The following BCL11A variants were observed in gnomAD, a reference collection of about 807,000 sequenced individuals.
The protein encoded by BCL11A is BCL11 transcription factor A, also known as B cell CLL/lymphoma 11A.
In BCL11A, 2 loss-of-function variants were observed where a neutral mutation model predicts 55.9. That is an observed-to-expected ratio of 0.04 (90% CI 0.01 to 0.11). The LOEUF (loss-of-function observed/expected upper bound fraction) is 0.11, where lower values mean the gene tolerates loss of function less well. BCL11A is among the 10% of genes least tolerant of loss of function. BCL11A has a pLI of 1.00. For synonymous variants in BCL11A, 465 were observed against 473.4 expected (o/e 0.98, Z 0.23); for missense variants, 817 against 1,137.1 (o/e 0.72, Z 4.05).
At chr2:60,508,436 A>G (rs1470836247) in intron 2 of BCL11A, among the ~76,000 whole-genome samples, 1 of 152,240 alleles carries the variant, frequency 6.6e-6, no homozygotes, top group Admixed American at 6.5e-5. Context: ...GGGGGTTGCC[A>G]GTTGCTGCGA....
At chr2:60,504,181 G>C (rs547013141) in intron 2 of BCL11A, among the ~76,000 whole-genome samples, 1 of 152,166 alleles carries the variant, frequency 6.6e-6, no homozygotes, top group Admixed American at 6.5e-5. Flanking sequence ...ATGCTCAGCC[G>C]GGCACAAGAG....
intron 2 of BCL11A, among the ~76,000 whole-genome samples, chr2:60,494,428 G>T (rs1165451427): frequency 3.9e-5 from 6 of 152,196 alleles, no homozygotes; most frequent in Non-Finnish European, 5.9e-5. Context: ...TAAATCTTAT[G>T]CAATTTTTGC....
rs1396846807 is a variant in BCL11A, at chr2:60,546,969, G to A, written c.56-669C>T. Among the ~76,000 whole-genome samples the A allele has an allele frequency of 1.3e-5, 2 of 152,166 alleles. No homozygotes were observed. Among genetic ancestry groups the A allele is most frequent in the African/African-American group, 4.8e-5 (2 of 41,426 alleles). ...ATCATGTCGCAGCATAATTCACACT[G>A]CCAAAAACCTTTCTGCTCTCACTCT... On this transcript the variant is annotated intron_variant, in intron 1 of 3. Coordinates refer to ENST00000642384, the MANE Select transcript of BCL11A (RefSeq NM_022893.4). This position sits in a 1 kb window ranked among gnomAD's most constrained non-coding sequence, Gnocchi z 4.1.
intron 2 of BCL11A, among the ~76,000 whole-genome samples, chr2:60,503,928 G>A (rs1573020178): frequency 1.3e-5 from 2 of 152,118 alleles, no homozygotes; most frequent in South Asian, 4.1e-4. Context: ...AGAAAAAAAA[G>A]AAAGCAAGAA....
intron 2 of BCL11A, among the ~76,000 whole-genome samples, chr2:60,475,999 A>G (rs773144424): frequency 3.4e-4 from 52 of 152,180 alleles, no homozygotes; most frequent in Admixed American, 1.0e-3. Context: ...TTCCATCTTT[A>G]AAAGGAGAAG....
At chr2:60,533,932 G>A (rs1669563814) in intron 2 of BCL11A, 1 of 152,200 alleles carries the variant, frequency 6.6e-6, no homozygotes, top group Non-Finnish European at 1.5e-5. Context: ...TAAAATTATA[G>A]TTATGTTTCT....
At chr2:60,495,600 T>C (rs902559596) in intron 2 of BCL11A, 2 of 152,276 alleles carry the variant, frequency 1.3e-5, no homozygotes, top group Non-Finnish European at 2.9e-5. Flanking sequence ...TCAGGCTGTT[T>C]TCCAGGGTGG....
At chr2:60,483,168 G>C (rs1678057558) in intron 2 of BCL11A, among the ~76,000 whole-genome samples, 1 of 152,212 alleles carries the variant, frequency 6.6e-6, no homozygotes, top group Admixed American at 6.5e-5. Context: ...ACAGGCGAGA[G>C]AAGTGTTGCT....
intron 1 of BCL11A, among the ~76,000 whole-genome samples, chr2:60,551,493 G>A (rs1482053567): frequency 1.3e-5 from 2 of 152,252 alleles, no homozygotes; most frequent in Non-Finnish European, 2.9e-5. Context: ...GGGCGGGGTG[G>A]GGGGTGGGCA....
chr2:60,458,831 C>A lies in BCL11A; in HGVS notation c.*1573G>T, dbSNP rs1271008493. 9.7e-7 allele frequency: 1 copy of A among 1,029,514 alleles called. No individual in the cohort carries two copies. Among genetic ancestry groups the A allele is most frequent in the Non-Finnish European group, 1.2e-6 (1 of 855,414 alleles). The allele number at this position is 1,029,514 out of a possible 1,614,324, so 63.8% of individuals were successfully genotyped here. The stretch of plus-strand genomic sequence containing the variant: ...GAGTCAAGTGCTATTTGAACACCAA[C>A]TGGGGCAGATGCTAGCTTAATAAAA... On this transcript the variant is annotated 3_prime_UTR_variant, in exon 4 of 4. Coordinates refer to ENST00000642384, the MANE Select transcript of BCL11A (RefSeq NM_022893.4).
chr2:60,460,753 C>T lies in BCL11A; in HGVS notation c.2159G>A (p.Gly720Glu), dbSNP rs1211884515. 1 of 1,613,968 alleles carries T rather than the reference C, an allele frequency of 6.2e-7. No homozygotes were observed. Among genetic ancestry groups the T allele is most frequent in the Admixed American group, 1.7e-5 (1 of 60,032 alleles). Residue 720 changes from glycine to glutamate, a missense_variant, in exon 4 of 4, where the codon GGG becomes GAG. Gly to Glu is a moderately conservative substitution (Grantham distance 98, BLOSUM62 -2). Coordinates refer to ENST00000642384, the MANE Select transcript of BCL11A (RefSeq NM_022893.4). ...CGGACCACTAATATGGGGCGTGCTC[C>T]CTCCACTTCCCGTGCCGCTGCGCCC... ...ISGRSGTGSG[G>E]STPHISGPGP... is the part of the protein sequence containing the mutation.
At chr2:60,537,327 G>A (rs987504711) in intron 2 of BCL11A, 14 of 152,096 alleles carry the variant, frequency 9.2e-5, no homozygotes, top group Admixed American at 5.9e-4. Flanking sequence ...AGAAACTCAC[G>A]AGATTTAAGA....
chr2:60,514,566 G>A (rs1668643226), intron 2 of BCL11A, among the ~76,000 whole-genome samples: 1 of 151,506 alleles, frequency 6.6e-6, no homozygotes, highest in Non-Finnish European at 1.5e-5. Context: ...TACTTGGGAG[G>A]CTGAGGCAGG....
chr2:60,538,739 C>CTCTG (rs1436371909), intron 2 of BCL11A, among the ~76,000 whole-genome samples: 870 of 67,494 alleles, frequency 0.013, 2 homozygotes, highest in Middle Eastern at 0.05. Flanking sequence ...CTCTCTCTCT[C>CTCTG]TGTGTGTGTG....
intron 2 of BCL11A, among the ~76,000 whole-genome samples, chr2:60,502,664 CT>C (rs1377433074): frequency 1.3e-5 from 2 of 152,162 alleles, no homozygotes; most frequent in Non-Finnish European, 2.9e-5. Context: ...AAACCAGAAA[CT>C]CTTTGTGTTG....
chr2:60,473,703 T>G (rs1572974783), intron 2 of BCL11A, among the ~76,000 whole-genome samples: 1 of 152,252 alleles, frequency 6.6e-6, no homozygotes, highest in East Asian at 1.9e-4. Flanking sequence ...CTCACTTAGA[T>G]TCTCTGACTT....
At chr2:60,452,593 C>T (rs768802721), downstream of BCL11A, 13 of 1,613,626 alleles carry the variant, frequency 8.1e-6, no homozygotes, top group South Asian at 2.2e-5. Context: ...TAAGGGCTCT[C>T]GAGCTTCCAT....
intron 3 of BCL11A, among the ~76,000 whole-genome samples, chr2:60,465,147 A>G (rs190392558): frequency 1.2e-3 from 177 of 152,290 alleles, no homozygotes; most frequent in African/African-American, 4.1e-3. Flanking sequence ...GGTGTACCAT[A>G]TTATATTACA....
chr2:60,531,345 C>T (rs1015493726), intron 2 of BCL11A, among the ~76,000 whole-genome samples: 21 of 152,128 alleles, frequency 1.4e-4, no homozygotes, highest in Non-Finnish European at 4.4e-5. Flanking sequence ...CCCTCCTTTG[C>T]GTTCTGCAAG....
Sources: gnomAD v4.1 joint callset for allele counts (sites outside exome capture counted in the v4.1 genomes callset) on GRCh38, gnomAD v4.1.1 for gene constraint, Gnocchi (gnomAD v3.1) non-coding constraint, MANE v1.5 for transcripts, NCBI Gene and HGNC (gene_info 2026-07-23, HGNC 2026-07-21) for gene names.